The following MAST4 variants were observed in gnomAD, a reference collection of about 807,000 sequenced individuals.
MAST4 encodes microtubule associated serine/threonine kinase family member 4.
Under a neutral mutation model 162.7 loss-of-function variants are expected in MAST4, and 89 were observed. The observed-to-expected ratio is 0.55, with a 90% CI of 0.46 to 0.65. The LOEUF is 0.65. MAST4 is among the 30% of genes least tolerant of loss of function. The probability of loss-of-function intolerance (pLI) is 0.00; values close to 1 mark genes in which losing one functional copy is unlikely to be tolerated. For synonymous variants in MAST4, 1,479 were observed against 1,361.1 expected (o/e 1.09, Z -1.91); for missense variants, 3,153 against 3,374.0 (o/e 0.93, Z 1.62).
At chr5:66,701,589 T>G (rs1749778723) in intron 1 of MAST4, among the ~76,000 whole-genome samples, 1 of 152,236 alleles carries the variant, frequency 6.6e-6, no homozygotes, top group South Asian at 2.1e-4. Flanking sequence ...TTTGGATGCT[T>G]CTTTAGTGAA....
chr5:66,891,877 A>C (rs1762385409), intron 3 of MAST4, among the ~76,000 whole-genome samples: 1 of 152,274 alleles, frequency 6.6e-6, no homozygotes, highest in South Asian at 2.1e-4. Context: ...CATGTACCAG[A>C]GAAGTCCAAA....
intron 3 of MAST4, among the ~76,000 whole-genome samples, chr5:66,799,392 C>T (rs1580477919): frequency 6.6e-6 from 1 of 152,312 alleles, no homozygotes; most frequent in East Asian, 1.9e-4. Context: ...GGAAGCATCT[C>T]TTCCTGCCTT....
chr5:66,851,964 C>T (rs1406530612), intron 3 of MAST4, among the ~76,000 whole-genome samples: 8 of 152,216 alleles, frequency 5.3e-5, no homozygotes, highest in Non-Finnish European at 1.5e-5. Context: ...GCTAAACTCC[C>T]AGTATATTTA....
chr5:66,713,486 C>G (rs556637215), intron 1 of MAST4, among the ~76,000 whole-genome samples: 4 of 152,310 alleles, frequency 2.6e-5, no homozygotes, highest in African/African-American at 9.6e-5. Context: ...TGTTGAGTAT[C>G]AAGCAAGACA....
chr5:66,742,166 A>G (rs564120912), intron 1 of MAST4, among the ~76,000 whole-genome samples: 2 of 152,258 alleles, frequency 1.3e-5, no homozygotes, highest in Non-Finnish European at 2.9e-5. Flanking sequence ...GAATGGGAAA[A>G]TAGACACTTG....
chr5:66,850,460 C>G (rs1376389490), intron 3 of MAST4, among the ~76,000 whole-genome samples: 1 of 152,112 alleles, frequency 6.6e-6, no homozygotes, highest in Non-Finnish European at 1.5e-5. Context: ...GGTAGAGCAT[C>G]TCTTATCTGA....
chr5:66,657,582 G>A (rs1205501331), intron 1 of MAST4, among the ~76,000 whole-genome samples: 1 of 152,144 alleles, frequency 6.6e-6, no homozygotes, highest in African/African-American at 2.4e-5. Flanking sequence ...ATAATTTCCT[G>A]TATACATTTC....
chr5:66,621,690 C>G (rs987646252), intron 1 of MAST4, among the ~76,000 whole-genome samples: 8 of 152,182 alleles, frequency 5.3e-5, no homozygotes, highest in African/African-American at 1.7e-4. Context: ...GTCTACCCAA[C>G]AAATACTAAT....
At chr5:66,907,161 G>GAGAGAGAGAGAGAGAT (rs1763411824) in intron 4 of MAST4, among the ~76,000 whole-genome samples, 1 of 6,932 alleles carries the variant, frequency 1.4e-4, no homozygotes, top group African/African-American at 4.7e-4. Flanking sequence ...AGCAAAGCGA[G>GAGAGAGAGAGAGAGAT]AGAGAGAGAG....
Position 67,167,047 on chromosome 5 carries a change from TGTAACGGGGAGG to T in MAST4, c.7870_*9del, listed in dbSNP as rs774405577. ...CGTAGCAGCCCTCACAAAAAGGCCT[TGTAACGGGGAGG>T]GCCCAGGGGCAGGACTGTGGAGACC... On this transcript the variant is annotated stop_lost and 3_prime_UTR_variant, in exon 29 of 29. Transcript: ENST00000403625. 6.3e-7 allele frequency: 1 copy of T among 1,578,270 alleles called. No homozygotes were observed. Among genetic ancestry groups the T allele is most frequent in the African/African-American group, 1.4e-5 (1 of 73,726 alleles).
chr5:67,146,051 A>C (rs1450241404), intron 23 of MAST4, among the ~76,000 whole-genome samples: 2 of 152,266 alleles, frequency 1.3e-5, no homozygotes, highest in Non-Finnish European at 2.9e-5. Context: ...GTTTACGTGC[A>C]TATGAAATAA....
At chr5:67,159,062 G>A (rs1195366109) in intron 26 of MAST4, among the ~76,000 whole-genome samples, 1 of 152,122 alleles carries the variant, frequency 6.6e-6, no homozygotes, top group East Asian at 1.9e-4. Context: ...GAGAACAATA[G>A]CAGTAAGGAA....
At chr5:67,143,230 G>A (rs114515718) in intron 21 of MAST4, among the ~76,000 whole-genome samples, 2,491 of 151,052 alleles carry the variant, frequency 0.016, 73 homozygotes, top group African/African-American at 0.058. Flanking sequence ...AGACCAGCCC[G>A]GGCAATATAG....
At chr5:66,608,563 G>A (rs1743061439) in intron 1 of MAST4, among the ~76,000 whole-genome samples, 1 of 151,840 alleles carries the variant, frequency 6.6e-6, no homozygotes, top group South Asian at 2.1e-4. Flanking sequence ...TCCCTAGCAA[G>A]TGTTGAGGGT....
chr5:66,609,705 G>GTTTTTTTTTTTTTTTTTTTTT (rs77135146), intron 1 of MAST4, among the ~76,000 whole-genome samples: 1 of 106,748 alleles, frequency 9.4e-6, no homozygotes, highest in Non-Finnish European at 2.2e-5. Context: ...TTTTTTTTTT[G>GTTTTTTTTTTTTTTTTTTTTT]TTTTTTTTTT....
intron 2 of MAST4, among the ~76,000 whole-genome samples, chr5:66,764,144 A>G (rs1376371082): frequency 6.6e-6 from 1 of 152,142 alleles, no homozygotes; most frequent in African/African-American, 2.4e-5. Context: ...TCTTGTTCAG[A>G]TGGCTATAGG....
At chr5:66,767,724 C>G (rs1754165863) in intron 2 of MAST4, among the ~76,000 whole-genome samples, 1 of 152,098 alleles carries the variant, frequency 6.6e-6, no homozygotes, top group African/African-American at 2.4e-5. Flanking sequence ...GTCCGAGTCC[C>G]AAAAGTGGAG....
chr5:66,937,609 T>A (rs1742896105), intron 4 of MAST4, among the ~76,000 whole-genome samples: 1 of 152,224 alleles, frequency 6.6e-6, no homozygotes, highest in African/African-American at 2.4e-5. Flanking sequence ...GACATATGTT[T>A]CTATATTTGC....
At chr5:66,996,605 G>A (rs184735310) in intron 4 of MAST4, among the ~76,000 whole-genome samples, 52 of 152,222 alleles carry the variant, frequency 3.4e-4, no homozygotes, top group African/African-American at 1.2e-3. Flanking sequence ...CTCTAGAAGC[G>A]CTGAGGTGGA....
Sources: allele counts gnomAD v4.1 joint callset (sites outside exome capture counted in the v4.1 genomes callset), GRCh38; gene constraint gnomAD v4.1.1; transcripts MANE v1.5; gene names NCBI Gene and HGNC (gene_info 2026-07-23, HGNC 2026-07-21).